The following NFAM1 variants were observed in gnomAD, a reference collection of about 807,000 sequenced individuals.
NFAM1 encodes the protein NFAT activating protein with ITAM motif 1.
In NFAM1, 17 loss-of-function variants were observed where a neutral mutation model predicts 29.0. That is an observed-to-expected ratio of 0.59 (90% CI 0.40 to 0.88). The LOEUF is 0.88. NFAM1 is among the 40% of genes least tolerant of loss of function. NFAM1 has a pLI of 0.00. For synonymous variants in NFAM1, 175 were observed against 147.2 expected (o/e 1.19, Z -1.36); for missense variants, 324 against 344.6 (o/e 0.94, Z 0.47).
chr22:42,416,309 CAAAACCA>C (rs1393511022), intron 1 of NFAM1, among the ~76,000 whole-genome samples: 1 of 152,016 alleles, frequency 6.6e-6, no homozygotes, highest in Admixed American at 6.6e-5. Context: ...ATCTCAAAAC[CAAAACCA>C]AAAAGCAGAG....
At chr22:42,425,251 G>A (rs756454226) in intron 1 of NFAM1, among the ~76,000 whole-genome samples, 10 of 149,900 alleles carry the variant, frequency 6.7e-5, no homozygotes, top group Non-Finnish European at 1.3e-4. Context: ...AAGGACAAGA[G>A]AAATACTAGA....
At chr22:42,435,121 C>T (rs954964985), upstream of NFAM1, among the ~76,000 whole-genome samples, 3 of 152,202 alleles carry the variant, frequency 2.0e-5, no homozygotes, top group Admixed American at 6.5e-5. Context: ...CACTGCAGCC[C>T]TATGGGGCAG....
Position 42,385,179 on chromosome 22 carries a change from C to T in NFAM1, c.795G>A (p.Leu265=), listed in dbSNP as rs978466158. 6.2e-7 allele frequency: 1 copy of T among 1,613,574 alleles called. No individual in the cohort carries two copies. Among genetic ancestry groups the T allele is most frequent in the Non-Finnish European group, 8.5e-7 (1 of 1,179,468 alleles). Residue 265 remains leucine, a synonymous_variant, in exon 6 of 6, where the codon CTG becomes CTA. Coordinates refer to ENST00000329021, the MANE Select transcript of NFAM1 (RefSeq NM_145912.8). ...GCCCATCCTAGAGATTTTCATAGAC[C>T]AGGTTAAGTTCGCCATCATCTTCGA... ...HRFEDDGELN[L]VYENL
intron 4 of NFAM1, among the ~76,000 whole-genome samples, chr22:42,390,173 C>A (rs533923451): frequency 5.3e-5 from 8 of 152,184 alleles, no homozygotes; most frequent in Admixed American, 1.3e-4. Flanking sequence ...GTTCTGAGTA[C>A]TGCTGCTGAA....
At chr22:42,424,892 CCTTTCTTT>C (rs200302094) in intron 1 of NFAM1, among the ~76,000 whole-genome samples, 1 of 145,844 alleles carries the variant, frequency 6.9e-6, no homozygotes, top group South Asian at 2.1e-4. Flanking sequence ...CTCTTTCTTT[CCTTTCTTT>C]CTTTCTTTTC....
chr22:42,401,219 C>T (rs150953026), intron 3 of NFAM1, among the ~76,000 whole-genome samples: 1 of 152,342 alleles, frequency 6.6e-6, no homozygotes, highest in Non-Finnish European at 1.5e-5. Flanking sequence ...CTTCAAAGCT[C>T]TCCCAGTCTA....
At chr22:42,401,814 G>A (rs1929735443) in intron 3 of NFAM1, among the ~76,000 whole-genome samples, 1 of 152,190 alleles carries the variant, frequency 6.6e-6, no homozygotes, top group Non-Finnish European at 1.5e-5. Flanking sequence ...CACACCAGGG[G>A]TGCTGCCATC....
chr22:42,421,613 G>A (rs1456250449), intron 1 of NFAM1, among the ~76,000 whole-genome samples: 3 of 152,040 alleles, frequency 2.0e-5, no homozygotes, highest in African/African-American at 7.3e-5. Flanking sequence ...CTTTGGTCCC[G>A]GCTCCCCACT....
In NFAM1 at chr22:42,419,225, T is replaced by C. The variant is rs1159173384; in HGVS notation, c.122-7489A>G. On this transcript the variant is annotated intron_variant, in intron 1 of 5. Coordinates refer to ENST00000329021, the MANE Select transcript of NFAM1 (RefSeq NM_145912.8). The surrounding 1 kb of genome is among the most constrained non-coding windows in gnomAD (Gnocchi z 4.5). ...TGCACAACGCCCCCATCCCTCCAAC[T>C]CAACAGCTCCCATCCAGTCCCCTCT... Among the ~76,000 whole-genome samples the C allele has an allele frequency of 6.6e-6, 1 of 151,886 alleles. No homozygotes were observed. The highest frequency in any genetic ancestry group is 1.5e-5 in the Non-Finnish European group (1 of 67,964).
chr22:42,409,573 G>A lies in NFAM1; in HGVS notation c.452-26C>T. 8.0e-7 allele frequency: 1 copy of A among 1,242,288 alleles called. No individual in the cohort carries two copies. Among genetic ancestry groups the A allele is most frequent in the Non-Finnish European group, 1.1e-6 (1 of 904,496 alleles). The allele number at this position is 1,242,288 out of a possible 1,614,324, so 77.0% of individuals were successfully genotyped here. On this transcript the variant is annotated intron_variant, in intron 2 of 5. Transcript: ENST00000329021. The surrounding 1 kb of genome is among the most constrained non-coding windows in gnomAD (Gnocchi z 4.9). ...CTAGGAGGAAGCGCAGGGGAGCAGAGGGGTCAGTGACCCAGGAGAAAGCGG... is the reference window on the plus strand; with the variant it reads ...CTAGGAGGAAGCGCAGGGGAGCAGAAGGGTCAGTGACCCAGGAGAAAGCGG...
upstream of NFAM1, chr22:42,432,467 C>T: frequency 7.0e-7 from 1 of 1,425,422 alleles, no homozygotes. Context: ...CAGCCCCTGA[C>T]CTTCCGCTCA....
At chr22:42,411,240 T>C (rs1930076918) in intron 2 of NFAM1, among the ~76,000 whole-genome samples, 167 bp downstream of exon 2, 1 of 151,998 alleles carries the variant, frequency 6.6e-6, no homozygotes, top group South Asian at 2.1e-4. Flanking sequence ...GCCAGGCTGG[T>C]CTCGAATCCC....
intron 1 of NFAM1, among the ~76,000 whole-genome samples, chr22:42,418,849 C>A (rs1304326714): frequency 6.6e-6 from 1 of 152,162 alleles, no homozygotes; most frequent in Non-Finnish European, 1.5e-5. Context: ...CTGTCCCGGG[C>A]GCTGGCCTGG....
At chr22:42,424,613 G>A (rs909749606) in intron 1 of NFAM1, among the ~76,000 whole-genome samples, 1 of 152,198 alleles carries the variant, frequency 6.6e-6, no homozygotes, top group Admixed American at 6.5e-5. Flanking sequence ...GAGAAGAGCA[G>A]GAGGCAGACA....
chr22:42,407,590 C>A (rs912224912), intron 3 of NFAM1, among the ~76,000 whole-genome samples: 3 of 151,852 alleles, frequency 2.0e-5, no homozygotes, highest in African/African-American at 7.3e-5. Context: ...AGGCTGGTCT[C>A]AAACTTTCTT....
chr22:42,429,962 G>A (rs1930742158), intron 1 of NFAM1, among the ~76,000 whole-genome samples: 1 of 152,170 alleles, frequency 6.6e-6, no homozygotes, highest in African/African-American at 2.4e-5. Context: ...CACAGGGGTA[G>A]GACAAAGAGC....
chr22:42,412,135 C>T (rs989322297), intron 1 of NFAM1, among the ~76,000 whole-genome samples: 4 of 151,800 alleles, frequency 2.6e-5, no homozygotes, highest in Admixed American at 6.6e-5. Flanking sequence ...GGGAGACTGA[C>T]GCAGGAGAAT....
At chr22:42,399,891 C>T (rs1013638705) in intron 3 of NFAM1, among the ~76,000 whole-genome samples, 6 of 152,226 alleles carry the variant, frequency 3.9e-5, no homozygotes, top group African/African-American at 7.2e-5. Flanking sequence ...CTACTTAACT[C>T]GCAGGCAGAA....
intron 4 of NFAM1, among the ~76,000 whole-genome samples, chr22:42,387,928 CAT>C (rs370402065): frequency 8.7e-4 from 133 of 152,340 alleles, no homozygotes; most frequent in African/African-American, 3.1e-3. Context: ...TGCACTGGGT[CAT>C]GTCGGAGTCC....
Sources: allele counts gnomAD v4.1 joint callset (sites outside exome capture counted in the v4.1 genomes callset), GRCh38; gene constraint gnomAD v4.1.1; non-coding constraint Gnocchi (gnomAD v3.1); transcripts MANE v1.5; gene names NCBI Gene and HGNC (gene_info 2026-07-23, HGNC 2026-07-21).